Variants in CHSY3 observed in about 807,000 individuals in gnomAD.
CHSY3 encodes chondroitin sulfate synthase 3.
CHSY3 carries 35 observed loss-of-function variants against 67.2 expected under a neutral mutation model. That is an observed-to-expected ratio of 0.52 (90% CI 0.40 to 0.69). The LOEUF (loss-of-function observed/expected upper bound fraction) is 0.69, where lower values mean the gene tolerates loss of function less well. CHSY3 is among the 30% of genes least tolerant of loss of function. The pLI, the probability that CHSY3 is intolerant of heterozygous loss-of-function variation, is 0.00. For synonymous variants in CHSY3, 474 were observed against 434.7 expected, an observed-to-expected ratio of 1.09 and a Z score of -1.12; for missense variants, 1,069 against 1,138.5, an observed-to-expected ratio of 0.94 and a Z score of 0.88.
At chr5:130,128,529 G>A (rs1432860569) in intron 2 of CHSY3, among the ~76,000 whole-genome samples, 1 of 151,938 alleles carries the variant, frequency 6.6e-6, no homozygotes, top group Non-Finnish European at 1.5e-5. Context: ...AGGGAAATGG[G>A]GAGATGCTGG....
intron 2 of CHSY3, among the ~76,000 whole-genome samples, chr5:130,017,278 T>G (rs2149650887): frequency 6.6e-6 from 1 of 152,208 alleles, no homozygotes; most frequent in Non-Finnish European, 1.5e-5. Flanking sequence ...CAGTCTCAGA[T>G]ATTCTAGAGT....
chr5:129,917,224 A>G (rs1464773097), intron 2 of CHSY3, among the ~76,000 whole-genome samples: 1 of 152,214 alleles, frequency 6.6e-6, no homozygotes, highest in Non-Finnish European at 1.5e-5. Context: ...TCATCTGTCT[A>G]CAATGGGTCA....
chr5:130,117,523 C>T (rs1767850585), intron 2 of CHSY3, among the ~76,000 whole-genome samples: 2 of 152,184 alleles, frequency 1.3e-5, no homozygotes, highest in African/African-American at 4.8e-5. Flanking sequence ...ATAGTTACAC[C>T]ATGTCTACTT....
chr5:130,159,198 CTG>C (rs1016951025), intron 2 of CHSY3, among the ~76,000 whole-genome samples: 3 of 114,966 alleles, frequency 2.6e-5, no homozygotes, highest in African/African-American at 9.9e-5. Context: ...AGGATCTACT[CTG>C]TTGCCCAGGC....
intron 2 of CHSY3, among the ~76,000 whole-genome samples, chr5:129,936,719 T>TC (rs1761504571): frequency 6.6e-6 from 1 of 152,168 alleles, no homozygotes. Context: ...TATAGGGCAT[T>TC]CCCCATGTAA....
intron 2 of CHSY3, among the ~76,000 whole-genome samples, chr5:129,916,261 G>A (rs1760725860): frequency 6.6e-6 from 1 of 152,028 alleles, no homozygotes; most frequent in Non-Finnish European, 1.5e-5. Context: ...GTTGATTAAC[G>A]GCAGATCTAT....
chr5:130,084,216 C>T (rs1766536372), intron 2 of CHSY3, among the ~76,000 whole-genome samples: 1 of 151,632 alleles, frequency 6.6e-6, no homozygotes, highest in Non-Finnish European at 1.5e-5. Flanking sequence ...TAAAAATCTG[C>T]TGTCTTCAAC....
In CHSY3 at chr5:130,160,454, A is replaced by G. The variant is rs1360996080; in HGVS notation, c.1087-23775A>G. 2.0e-5 allele frequency among the ~76,000 whole-genome samples: 3 copies of G among 152,166 alleles called. No individual in the cohort carries two copies. The East Asian group carries it at 5.8e-4, about 29-fold the overall frequency. ...GACCTCATTTCTTTCTCAGAGACCT[A>G]TCTCCTTCCCTTTTTAAATCCATCC... On this transcript the variant is annotated intron_variant, in intron 2 of 2. Transcript: ENST00000305031.
At chr5:130,174,466 G>C (rs1039842793) in intron 2 of CHSY3, among the ~76,000 whole-genome samples, 1 of 152,026 alleles carries the variant, frequency 6.6e-6, no homozygotes, top group Non-Finnish European at 1.5e-5. Flanking sequence ...TTTCAACAGA[G>C]ATAATTTAGT....
intron 2 of CHSY3, among the ~76,000 whole-genome samples, chr5:129,945,540 G>T (rs1761827599): frequency 6.6e-6 from 1 of 152,106 alleles, no homozygotes; most frequent in Admixed American, 6.6e-5. Context: ...CTGAGGGTAT[G>T]TGTCTCATTT....
At chr5:130,121,627 G>A (rs557436514) in intron 2 of CHSY3, among the ~76,000 whole-genome samples, 1 of 152,056 alleles carries the variant, frequency 6.6e-6, no homozygotes. Flanking sequence ...TGAGATTTAT[G>A]TAATTTGGGG....
At chr5:130,065,411 G>A (rs556868571) in intron 2 of CHSY3, among the ~76,000 whole-genome samples, 16 of 152,162 alleles carry the variant, frequency 1.1e-4, no homozygotes, top group South Asian at 4.1e-4. Flanking sequence ...TTGGCCCTTC[G>A]TCTGCTCCTT....
At chr5:130,020,445 ATATATATATATATATATTT>A (rs1256651720) in intron 2 of CHSY3, among the ~76,000 whole-genome samples, 2,801 of 13,608 alleles carry the variant, frequency 0.21, 111 homozygotes, top group Middle Eastern at 0.29. Flanking sequence ...ATATATATAT[ATATATATATATATATATTT>A]TTTTTTTTTT....
intron 2 of CHSY3, among the ~76,000 whole-genome samples, chr5:129,960,899 G>A (rs896797185): frequency 2.6e-5 from 4 of 151,930 alleles, no homozygotes; most frequent in African/African-American, 7.3e-5. Context: ...CCTAGTGTTC[G>A]TAGTTATCAA....
At chr5:130,097,014 T>A (rs548520993) in intron 2 of CHSY3, among the ~76,000 whole-genome samples, 2 of 152,388 alleles carry the variant, frequency 1.3e-5, no homozygotes, top group Admixed American at 1.3e-4. Flanking sequence ...CTTCCAAGTG[T>A]CTAATTTGTT....
chr5:129,959,540 G>C (rs984618912), intron 2 of CHSY3, among the ~76,000 whole-genome samples: 1 of 152,106 alleles, frequency 6.6e-6, no homozygotes, highest in East Asian at 1.9e-4. Flanking sequence ...ACTATAAGAC[G>C]TTAATTTCAA....
intron 2 of CHSY3, among the ~76,000 whole-genome samples, chr5:129,963,216 G>A (rs1202205705): frequency 6.6e-6 from 1 of 151,896 alleles, no homozygotes; most frequent in Non-Finnish European, 1.5e-5. Context: ...GTGGATAATA[G>A]CTATTACAGA....
chr5:130,104,419 C>A (rs143500882), intron 2 of CHSY3, among the ~76,000 whole-genome samples: 6 of 151,824 alleles, frequency 4.0e-5, no homozygotes, highest in Non-Finnish European at 7.4e-5. Flanking sequence ...CCTTCCATCA[C>A]GGTAATGTGC....
chr5:130,012,540 A>G (rs1452054515), intron 2 of CHSY3, among the ~76,000 whole-genome samples: 2 of 152,164 alleles, frequency 1.3e-5, no homozygotes, highest in African/African-American at 4.8e-5. Flanking sequence ...GGAAACTTAC[A>G]ATCATGGTGG....
Sources: allele counts gnomAD v4.1 joint callset (sites outside exome capture counted in the v4.1 genomes callset), GRCh38; gene constraint gnomAD v4.1.1; transcripts MANE v1.5; gene names NCBI Gene and HGNC (gene_info 2026-07-23, HGNC 2026-07-21).